Variants in ZFP62 observed in about 807,000 individuals in gnomAD.
ZFP62 encodes the protein zinc finger protein 62 homolog.
Under a neutral mutation model 56.4 loss-of-function variants are expected in ZFP62, and 44 were observed. The observed-to-expected ratio is 0.78, with a 90% confidence interval of 0.61 to 1.00. ZFP62 has a LOEUF of 1.00. ZFP62 is among the 50% of genes least tolerant of loss of function. The probability of loss-of-function intolerance (pLI) is 0.00; values close to 1 mark genes in which losing one functional copy is unlikely to be tolerated. For missense variants in ZFP62, 1,030 were observed against 1,085.7 expected (o/e 0.95, Z 0.72); for synonymous variants, 421 against 388.9 (o/e 1.08, Z -0.97).
chr5:180,841,240 T>C, the ZFP62 span, among the ~76,000 whole-genome samples: 3 of 130,382 alleles, frequency 2.3e-5, no homozygotes, highest in Non-Finnish European at 4.8e-5. Flanking sequence ...GTGTGCTATA[T>C]CCATATATAT....
Position 180,849,140 on chromosome 5 carries a change from A to G in ZFP62, c.2355T>C (p.Tyr785=). Residue 785 remains tyrosine (Y), a synonymous_variant, in exon 2 of 2, where the codon TAT becomes TAC. Coordinates refer to ENST00000502412, the MANE Select transcript of ZFP62 (RefSeq NM_001172638.2). The stretch of plus-strand genomic sequence containing the variant: ...ATGCCTTCCCACACTCATCACATTC[A>G]TAGGGTTTCTCACCTGTGTGGATCC... ...HKRIHTGEKP[Y]ECDECGKAYI... is the part of the protein sequence containing the mutation. 2.2e-5 allele frequency: 34 copies of G among 1,562,776 alleles called. No individual in the cohort carries two copies. The highest frequency in any genetic ancestry group is 2.9e-5 in the Non-Finnish European group (33 of 1,153,726).
chr5:180,829,301 T>C, the ZFP62 span, among the ~76,000 whole-genome samples: 341 of 151,714 alleles, frequency 2.2e-3, no homozygotes, highest in Non-Finnish European at 2.6e-3. Flanking sequence ...CTTTTGCCCT[T>C]TGTCCTGTTT....
At position 180,850,329 on chromosome 5, in the gene ZFP62, C is replaced by A; in HGVS notation, c.1166G>T (p.Gly389Val). The change falls in exon 2 of 2, where the codon GGA (glycine) becomes GTA (valine). Residue 389 changes from glycine to valine, a missense_variant. Transcript: ENST00000502412. ...GLIVHKRIHT[G>V]EKPYKCDVCG... Reference sequence around the variant, plus strand: ...GACATCACACTTGTAAGGTTTCTCTCCTGTGTGGATCCTTTTATGCACTAT... The same window carrying A: ...GACATCACACTTGTAAGGTTTCTCTACTGTGTGGATCCTTTTATGCACTAT... 6.4e-7 allele frequency: 1 copy of A among 1,570,914 alleles called. No individual in the cohort carries two copies. Among genetic ancestry groups the A allele is most frequent in the Non-Finnish European group, 8.6e-7 (1 of 1,158,098 alleles).
At chr5:180,846,914 T>C (rs201420769), downstream of ZFP62, among the ~76,000 whole-genome samples, 16 of 152,264 alleles carry the variant, frequency 1.1e-4, no homozygotes, top group African/African-American at 3.4e-4. Flanking sequence ...CAAAGGAGGA[T>C]AGAGAGCAAG....
At chr5:180,838,253 G>A in the ZFP62 span, among the ~76,000 whole-genome samples, 1 of 152,102 alleles carries the variant, frequency 6.6e-6, no homozygotes, top group South Asian at 2.1e-4. Context: ...CCATGTGGTG[G>A]TGGAGCATGG....
Position 180,849,623 on chromosome 5 carries a change from T to C in ZFP62, c.1872A>G (p.Lys624=). 1.3e-6 allele frequency: 2 copies of C among 1,551,946 alleles called. No individual in the cohort carries two copies. Among genetic ancestry groups the C allele is most frequent in the South Asian group, 2.4e-5 (2 of 84,060 alleles). The change falls in exon 2 of 2, where the codon AAA becomes AAG. Residue 624 remains lysine (K), a synonymous_variant. Coordinates refer to ENST00000502412, the MANE Select transcript of ZFP62 (RefSeq NM_001172638.2). ...AAAGGAGCGATGTGTAATTAAAAGA[T>C]TTCTCACACACATCACATTTGTAGG... is the stretch of plus-strand genomic sequence containing the variant. ...EKPYKCDVCE[K]SFNYTSLLSQ...
At chr5:180,852,136 T>C (rs2113690397) in intron 1 of ZFP62, 2 of 507,962 alleles carry the variant, frequency 3.9e-6, no homozygotes, top group South Asian at 1.7e-4. Context: ...GCAAATGGAA[T>C]AGAACAGGAA....
At chr5:180,828,975 A>G in the ZFP62 span, among the ~76,000 whole-genome samples, 2 of 152,224 alleles carry the variant, frequency 1.3e-5, no homozygotes, top group African/African-American at 4.8e-5. Flanking sequence ...AAGGACTGAG[A>G]TACGTCCTGG....
chr5:180,833,202 G>T, the ZFP62 span, among the ~76,000 whole-genome samples: 1 of 152,128 alleles, frequency 6.6e-6, no homozygotes, highest in African/African-American at 2.4e-5. Flanking sequence ...CTGCCTAAGA[G>T]AACAGAGATG....
intron 1 of ZFP62, among the ~76,000 whole-genome samples, chr5:180,857,580 C>T (rs1774057009): frequency 6.6e-6 from 1 of 152,190 alleles, no homozygotes; most frequent in African/African-American, 2.4e-5. Flanking sequence ...ACACTGCAGC[C>T]TCCACCACCC....
chr5:180,850,374 A>T lies in ZFP62; in HGVS notation c.1121T>A (p.Phe374Tyr). 5.1e-6 allele frequency: 8 copies of T among 1,566,250 alleles called. No individual in the cohort carries two copies. The highest frequency in any genetic ancestry group is 6.9e-6 in the Non-Finnish European group (8 of 1,155,486). ...CACTATGAGGCCTGAGCTGTTCCTGAAAGCCTTCCCACATTCATCACATTC... is the reference window on the plus strand; with the variant it reads ...CACTATGAGGCCTGAGCTGTTCCTGTAAGCCTTCCCACATTCATCACATTC... Reference protein sequence around the residue: ...PYECDECGKAFRNSSGLIVHK... With the variant: ...PYECDECGKAYRNSSGLIVHK... The change falls in exon 2 of 2, where the codon TTC becomes TAC. Residue 374 changes from phenylalanine (F) to tyrosine (Y), a missense_variant. Phe to Tyr is a conservative substitution (Grantham distance 22). Transcript: ENST00000502412.
At chr5:180,836,628 G>A in the ZFP62 span, among the ~76,000 whole-genome samples, 10 of 152,136 alleles carry the variant, frequency 6.6e-5, no homozygotes, top group Non-Finnish European at 1.2e-4. Flanking sequence ...ATTTTTAGGG[G>A]GCACAAGTGA....
rs1019557630 is a variant in ZFP62 at position 180,848,136 on chromosome 5, A to G, written c.*656T>C. On this transcript the variant is annotated 3_prime_UTR_variant, in exon 2 of 2. Coordinates refer to ENST00000502412, the MANE Select transcript of ZFP62 (RefSeq NM_001172638.2). The stretch of plus-strand genomic sequence containing the variant: ...ATGTATCACAATAGTACGTTCATCA[A>G]TTTGCATTTTTTATGAGTGACTCTC... 1.0e-6 allele frequency: 1 copy of G among 985,352 alleles called. No individual in the cohort carries two copies. The highest frequency in any genetic ancestry group is 1.2e-6 in the Non-Finnish European group (1 of 829,910). 61.0% of individuals were successfully genotyped at this position (985,352 alleles called of 1,614,324 possible).
At chr5:180,840,218 A>G in the ZFP62 span, among the ~76,000 whole-genome samples, 7 of 152,184 alleles carry the variant, frequency 4.6e-5, no homozygotes, top group Non-Finnish European at 1.0e-4. Flanking sequence ...CAGTGGTCTT[A>G]GCCAAGGCCT....
the ZFP62 span, chr5:180,835,079 T>A: frequency 1.3e-5 from 2 of 152,212 alleles, no homozygotes; most frequent in Admixed American, 1.3e-4. Context: ...AAAGAAATGG[T>A]AGCATGGCTT....
chr5:180,851,228 T>C lies in ZFP62; in HGVS notation c.267A>G (p.Ala89=). 1 of 1,551,726 alleles carries C rather than the reference T, an allele frequency of 6.4e-7. No homozygotes were observed. The highest frequency in any genetic ancestry group is 8.7e-7 in the Non-Finnish European group (1 of 1,147,002). The change falls in exon 2 of 2, where the codon GCA becomes GCG. Residue 89 remains alanine, a synonymous_variant. Transcript: ENST00000502412. ...ANIKTEQEGE[A]SEKSLHLSPQ... is the part of the protein sequence containing the mutation. ...GGCTCAGATGCAAGCTCTTCTCAGA[T>C]GCCTCACCTTCCTGTTCTGTCTTTA...
At position 180,847,883 on chromosome 5, in the gene ZFP62, G is replaced by A; in HGVS notation, c.*909C>T. The stretch of plus-strand genomic sequence containing the variant: ...CTGCAATAAAATGCGTTCCTTCTCA[G>A]CATTTCTATTCATAGGAATCCCTGA... On this transcript the variant is annotated 3_prime_UTR_variant, in exon 2 of 2. Transcript: ENST00000502412. The A allele has an allele frequency of 1.0e-6, 1 of 985,436 alleles. No homozygotes were observed. Among genetic ancestry groups the A allele is most frequent in the Non-Finnish European group, 1.2e-6 (1 of 829,942 alleles). The allele number at this position is 985,436 out of a possible 1,614,324, so 61.0% of individuals were successfully genotyped here. A position where few individuals can be genotyped will look rare whatever the true frequency, so the allele number is the denominator to read the frequency against.
chr5:180,830,308 G>A, the ZFP62 span: 1 of 152,288 alleles, frequency 6.6e-6, no homozygotes, highest in Admixed American at 6.5e-5. Flanking sequence ...CCAACTTCTG[G>A]CCACTGGTAT....
In ZFP62 at chr5:180,851,298, C is replaced by T. The variant is rs1478676723; in HGVS notation, c.197G>A (p.Ser66Asn). ...PVENRMKEDK[S>N]SIREAISKAK... Reference sequence around the variant, plus strand: ...TTTGCTGATTGCTTCCCTGATGCTGCTTTTGTCCTCCTTCATCCTGTTTTC... The same window carrying T: ...TTTGCTGATTGCTTCCCTGATGCTGTTTTTGTCCTCCTTCATCCTGTTTTC... The change falls in exon 2 of 2, where the codon AGC becomes AAC. Residue 66 changes from serine (S) to asparagine (N), a missense_variant. Transcript: ENST00000502412. 6.4e-7 allele frequency: 1 copy of T among 1,551,684 alleles called. No homozygotes were observed. The highest frequency in any genetic ancestry group is 2.4e-5 in the East Asian group (1 of 40,916).
Sources: allele counts gnomAD v4.1 joint callset (sites outside exome capture counted in the v4.1 genomes callset), GRCh38; gene constraint gnomAD v4.1.1; transcripts MANE v1.5; gene names NCBI Gene and HGNC (gene_info 2026-07-23, HGNC 2026-07-21).